Variants in EPHA6 observed in about 807,000 individuals in gnomAD.
The protein encoded by EPHA6 is EPH receptor A6.
In EPHA6, 50 loss-of-function variants were observed where a neutral mutation model predicts 112.0. The observed-to-expected ratio is 0.45, with a 90% CI of 0.36 to 0.56. The LOEUF is 0.56. Ranked by LOEUF, EPHA6 falls within the 20% of genes least tolerant of loss-of-function variation. EPHA6 has a pLI of 0.00. For missense variants in EPHA6, 1,280 were observed against 1,417.4 expected (o/e 0.90, Z 1.56); for synonymous variants, 529 against 490.7 (o/e 1.08, Z -1.03).
intron 5 of EPHA6, among the ~76,000 whole-genome samples, chr3:97,388,660 G>T (rs964669215): frequency 6.6e-6 from 1 of 151,996 alleles, no homozygotes; most frequent in African/African-American, 2.4e-5. Context: ...AATCTTCCTC[G>T]GCTACTAAAC....
chr3:97,754,730 G>A lies in EPHA6; in HGVS notation c.*6029G>A, dbSNP rs1285736076. Among the ~76,000 whole-genome samples the A allele has an allele frequency of 6.6e-6, 1 of 152,100 alleles. No individual in the cohort carries two copies. The highest frequency in any genetic ancestry group is 1.9e-4 in the East Asian group (1 of 5,162). On this transcript the variant is annotated 3_prime_UTR_variant, in exon 18 of 18. Transcript: ENST00000389672. ...TTTATTCATTTATTTTTGAGACGGA[G>A]TCTCGCTCTGTCGCCTAGGCTGGAG...
intron 3 of EPHA6, among the ~76,000 whole-genome samples, chr3:97,026,855 T>C (rs1046662131): frequency 5.9e-5 from 9 of 152,148 alleles, no homozygotes; most frequent in African/African-American, 1.9e-4. Context: ...GTAAATTAGT[T>C]CATCCATTGT....
chr3:97,229,475 G>A (rs542849552), intron 4 of EPHA6, among the ~76,000 whole-genome samples: 6 of 152,168 alleles, frequency 3.9e-5, no homozygotes, highest in Non-Finnish European at 7.4e-5. Context: ...TGAATAGGGT[G>A]TCCTTTCTCC....
intron 4 of EPHA6, among the ~76,000 whole-genome samples, chr3:97,241,716 G>A (rs575543274): frequency 5.8e-4 from 86 of 148,590 alleles, no homozygotes; most frequent in Non-Finnish European, 9.8e-4. Context: ...ATGCAAATTG[G>A]TATGAGGGCC....
At chr3:97,343,485 A>G (rs1250214635) in intron 5 of EPHA6, among the ~76,000 whole-genome samples, 1 of 152,218 alleles carries the variant, frequency 6.6e-6, no homozygotes, top group Non-Finnish European at 1.5e-5. Context: ...AAGATTCTAA[A>G]TCTGCCTGTC....
intron 7 of EPHA6, among the ~76,000 whole-genome samples, chr3:97,468,546 T>A (rs971696709): frequency 6.6e-6 from 1 of 151,580 alleles, no homozygotes; most frequent in Non-Finnish European, 1.5e-5. Context: ...ATCAGTATAA[T>A]ACTAAGTTGA....
At chr3:97,185,945 A>G (rs1225634307) in intron 3 of EPHA6, among the ~76,000 whole-genome samples, 1 of 151,756 alleles carries the variant, frequency 6.6e-6, no homozygotes, top group Non-Finnish European at 1.5e-5. Flanking sequence ...CATCATTCTG[A>G]GCAAACTATC....
At chr3:97,463,155 G>T (rs1460961083) in intron 7 of EPHA6, among the ~76,000 whole-genome samples, 2 of 151,984 alleles carry the variant, frequency 1.3e-5, no homozygotes, top group African/African-American at 4.8e-5. Flanking sequence ...CAACTTGCAG[G>T]TTCGTTACAT....
intron 11 of EPHA6, among the ~76,000 whole-genome samples, chr3:97,538,988 T>TTTCTTTCTTTC (rs2107667059): frequency 7.6e-6 from 1 of 131,130 alleles, no homozygotes; most frequent in South Asian, 2.4e-4. Flanking sequence ...TCTCTCTTTC[T>TTTCTTTCTTTC]TTCTTTCTTT....
At chr3:96,984,689 G>C (rs111566919) in intron 2 of EPHA6, among the ~76,000 whole-genome samples, 2,004 of 152,256 alleles carry the variant, frequency 0.013, 48 homozygotes, top group African/African-American at 0.044. Flanking sequence ...CTTGAGCTGG[G>C]GTGTGCTCTA....
intron 11 of EPHA6, among the ~76,000 whole-genome samples, chr3:97,552,096 A>G (rs1023668147): frequency 6.6e-6 from 1 of 152,214 alleles, no homozygotes; most frequent in Admixed American, 6.6e-5. Context: ...CTTAAATGAA[A>G]CAATGTTCCT....
intron 4 of EPHA6, among the ~76,000 whole-genome samples, chr3:97,233,339 C>G (rs1576736357): frequency 6.9e-6 from 1 of 144,922 alleles, no homozygotes; most frequent in Non-Finnish European, 1.5e-5. Flanking sequence ...GTACCATAAA[C>G]TTCAAAACAT....
At chr3:97,658,214 T>C (rs897529792) in intron 14 of EPHA6, among the ~76,000 whole-genome samples, 3 of 151,892 alleles carry the variant, frequency 2.0e-5, no homozygotes, top group Admixed American at 6.6e-5. Context: ...AGAGTGAGAC[T>C]ATGAGCCCTG....
chr3:97,699,395 C>G (rs1299273715), intron 14 of EPHA6, among the ~76,000 whole-genome samples: 5 of 152,198 alleles, frequency 3.3e-5, no homozygotes, highest in Non-Finnish European at 7.3e-5. Flanking sequence ...GTTGCAAGCA[C>G]TTTGGGTGCA....
At chr3:97,740,231 T>G (rs140845643) in intron 16 of EPHA6, among the ~76,000 whole-genome samples, 1 of 152,142 alleles carries the variant, frequency 6.6e-6, no homozygotes, top group East Asian at 1.9e-4. Flanking sequence ...CACATGGAAG[T>G]CTACTGAGTG....
chr3:96,945,176 T>A (rs2041188389), intron 2 of EPHA6, among the ~76,000 whole-genome samples: 1 of 152,220 alleles, frequency 6.6e-6, no homozygotes, highest in African/African-American at 2.4e-5. Context: ...CCACCAGTAT[T>A]GCAACCGGTC....
At chr3:97,113,723 C>G (rs2047796519) in intron 3 of EPHA6, among the ~76,000 whole-genome samples, 1 of 152,114 alleles carries the variant, frequency 6.6e-6, no homozygotes, top group Middle Eastern at 3.2e-3. Context: ...CCCTCCTTCT[C>G]TCTCTCTGCC....
At chr3:97,318,436 C>T (rs2081947729) in intron 5 of EPHA6, among the ~76,000 whole-genome samples, 1 of 152,028 alleles carries the variant, frequency 6.6e-6, no homozygotes, top group Middle Eastern at 3.2e-3. Context: ...TTTCTTTTCA[C>T]ACTTGGTGTT....
chr3:96,929,896 C>T (rs188281730), intron 2 of EPHA6, among the ~76,000 whole-genome samples: 7 of 152,214 alleles, frequency 4.6e-5, no homozygotes, highest in Non-Finnish European at 7.4e-5. Flanking sequence ...TACATAATCC[C>T]GTATGTCTCA....
Sources: allele counts gnomAD v4.1 joint callset (sites outside exome capture counted in the v4.1 genomes callset), GRCh38; gene constraint gnomAD v4.1.1; transcripts MANE v1.5; gene names NCBI Gene and HGNC (gene_info 2026-07-23, HGNC 2026-07-21).